The following ASH2L variants were observed in gnomAD, a reference collection of about 807,000 sequenced individuals.
ASH2L encodes set1/Ash2 histone methyltransferase complex subunit ASH2.
In ASH2L, 30 loss-of-function variants were observed where a neutral mutation model predicts 81.1. The ratio of observed to expected loss-of-function variants is 0.37; its 90% CI spans 0.28 to 0.50. The LOEUF (loss-of-function observed/expected upper bound fraction) is 0.50. Among genes scored for constraint, ASH2L ranks in the 20% least tolerant of loss-of-function variants. The pLI is 0.95. For missense variants in ASH2L, 559 were observed against 792.1 expected (o/e 0.71, Z 3.53); for synonymous variants, 273 against 279.9 (o/e 0.98, Z 0.24).
At chr8:38,116,372 A>T (rs747691060) in intron 7 of ASH2L, among the ~76,000 whole-genome samples, 48 of 152,004 alleles carry the variant, frequency 3.2e-4, no homozygotes, top group Non-Finnish European at 5.0e-4. Context: ...CTCAAAAAAA[A>T]AATAATAATA....
chr8:38,136,711 G>T (rs558484152), intron 14 of ASH2L, among the ~76,000 whole-genome samples: 67 of 151,532 alleles, frequency 4.4e-4, no homozygotes, highest in Middle Eastern at 3.4e-3. Flanking sequence ...GGAGGCGGAG[G>T]TTGCAATGAG....
intron 11 of ASH2L, 106 bp from the exon 12 acceptor site, chr8:38,128,652 A>T (rs1426299879): frequency 6.6e-7 from 1 of 1,521,726 alleles, no homozygotes; most frequent in Non-Finnish European, 8.8e-7. Context: ...AAGCAATTTT[A>T]CAAAATTGAC....
At chr8:38,135,800 T>G (rs1476462322) in intron 14 of ASH2L, 34 bp downstream of exon 14, 2 of 1,513,348 alleles carry the variant, frequency 1.3e-6, no homozygotes. Flanking sequence ...GAGCAAAACT[T>G]GAGGGAAGCA....
rs772372358 is a variant in ASH2L, at chr8:38,105,559, GGCA to G, written c.11_13del (p.Ala4del). The G allele has an allele frequency of 6.4e-7, 1 of 1,568,810 alleles. No homozygotes were observed. The highest frequency in any genetic ancestry group is 1.1e-5 in the South Asian group (1 of 87,346). On this transcript the variant is annotated inframe_deletion, in exon 1 of 16. Coordinates refer to ENST00000343823, the MANE Select transcript of ASH2L (RefSeq NM_004674.5). ...GTCCAGGGGTGGCCGTGATGGCGGC[GGCA>G]GGAGCAGGACCTGGCCAGGAAGCGG...
chr8:38,112,060 G>A (rs534687324), intron 5 of ASH2L, among the ~76,000 whole-genome samples: 1 of 152,160 alleles, frequency 6.6e-6, no homozygotes, highest in Non-Finnish European at 1.5e-5. Context: ...AGCCTGGAGT[G>A]CAGTGGCACA....
intron 1 of ASH2L, 66 bp from the exon 2 acceptor site, chr8:38,106,312 T>TTTGGGAA: frequency 3.3e-6 from 5 of 1,511,920 alleles, no homozygotes; most frequent in Non-Finnish European, 4.6e-6. Context: ...GATCATCATT[T>TTTGGGAA]TTGGGAATAG....
intron 10 of ASH2L, among the ~76,000 whole-genome samples, chr8:38,127,393 T>C (rs1326420539): frequency 6.6e-6 from 1 of 151,814 alleles, no homozygotes; most frequent in East Asian, 1.9e-4. Flanking sequence ...CTCATCACCA[T>C]TGGTTTGTTA....
intron 10 of ASH2L, among the ~76,000 whole-genome samples, chr8:38,126,127 C>G (rs988591965): frequency 6.6e-6 from 1 of 151,268 alleles, no homozygotes; most frequent in South Asian, 2.1e-4. Flanking sequence ...CGCTTGAACC[C>G]GGGAGCCAGA....
intron 10 of ASH2L, among the ~76,000 whole-genome samples, chr8:38,126,620 C>A (rs377548882): frequency 6.6e-6 from 1 of 151,656 alleles, no homozygotes. Context: ...TTTGGGAGGC[C>A]GAGGCAGGCG....
chr8:38,111,147 G>T (rs1810663714), intron 5 of ASH2L, among the ~76,000 whole-genome samples: 1 of 152,146 alleles, frequency 6.6e-6, no homozygotes, highest in East Asian at 1.9e-4. Flanking sequence ...TGTTGGCCAG[G>T]CTCATCTCCA....
In ASH2L at chr8:38,105,531, G is replaced by A; in HGVS notation, c.-20G>A. The stretch of plus-strand genomic sequence containing the variant: ...GCGAGAGAAGAGAGTATTCTCGCGA[G>A]AAGTCCAGGGGTGGCCGTGATGGCG... On this transcript the variant is annotated 5_prime_UTR_variant, in exon 1 of 16. Coordinates refer to ENST00000343823, the MANE Select transcript of ASH2L (RefSeq NM_004674.5). 6.5e-7 allele frequency: 1 copy of A among 1,533,412 alleles called. No individual in the cohort carries two copies. Among genetic ancestry groups the A allele is most frequent in the East Asian group, 2.5e-5 (1 of 39,602 alleles). The allele number at this position is 1,533,412 out of a possible 1,614,324, so 95.0% of individuals were successfully genotyped here.
At chr8:38,114,875 C>G in intron 6 of ASH2L, 30 bp from the exon 7 acceptor site, 2 of 1,388,286 alleles carry the variant, frequency 1.4e-6, no homozygotes, top group Non-Finnish European at 1.0e-6. Flanking sequence ...ATAAAATGTT[C>G]ATTAATAGTA....
chr8:38,119,098 A>AT (rs1210648501), intron 8 of ASH2L, 172 bp from the exon 9 acceptor site: 1 of 583,128 alleles, frequency 1.7e-6, no homozygotes, highest in Non-Finnish European at 3.0e-6. Flanking sequence ...AGGCTATGAG[A>AT]TGCTCAGTAG....
At chr8:38,136,523 C>T (rs551272654) in intron 14 of ASH2L, among the ~76,000 whole-genome samples, 10 of 152,012 alleles carry the variant, frequency 6.6e-5, no homozygotes, top group African/African-American at 2.4e-4. Context: ...GCTTGTAATC[C>T]CAGCACTTTG....
At position 38,135,705 on chromosome 8, in the gene ASH2L, C is replaced by G; in HGVS notation, c.1658C>G (p.Ala553Gly). Residue 553 changes from alanine to glycine, a missense_variant, in exon 14 of 16, where the codon GCT becomes GGT. Around this residue, in one of 4 missense-constraint regions of ASH2L, gnomAD observed 95 missense variants for 130.7 expected, o/e 0.73. Transcript: ENST00000343823. ...FYKNGVNQGV[A>G]YKDIFEGVYF... ...AAAAATGGTGTCAATCAAGGTGTGGCTTACAAAGATATTTTTGAGGGGGTT... is the reference window on the plus strand; with the variant it reads ...AAAAATGGTGTCAATCAAGGTGTGGGTTACAAAGATATTTTTGAGGGGGTT... 6.2e-7 allele frequency: 1 copy of G among 1,612,808 alleles called. No homozygotes were observed. The highest frequency in any genetic ancestry group is 8.5e-7 in the Non-Finnish European group (1 of 1,179,318).
chr8:38,121,598 C>G (rs944126490), intron 10 of ASH2L, among the ~76,000 whole-genome samples: 21 of 151,930 alleles, frequency 1.4e-4, no homozygotes, highest in Non-Finnish European at 2.4e-4. Flanking sequence ...AATTATTTCT[C>G]TTTAGTCTAT....
intron 1 of ASH2L, 175 bp downstream of exon 1, chr8:38,105,913 C>T (rs898692924): frequency 2.0e-6 from 3 of 1,468,610 alleles, no homozygotes; most frequent in South Asian, 1.4e-5. Context: ...CGGATAACGC[C>T]CCTTCCGCAC....
chr8:38,131,567 G>A (rs1802057448), intron 12 of ASH2L, among the ~76,000 whole-genome samples: 1 of 152,162 alleles, frequency 6.6e-6, no homozygotes, highest in Admixed American at 6.5e-5. Context: ...AATCGCTTGA[G>A]CCTGGAGGGC....
intron 7 of ASH2L, among the ~76,000 whole-genome samples, chr8:38,115,240 CT>C (rs537289051): frequency 4.0e-4 from 60 of 149,220 alleles, no homozygotes; most frequent in African/African-American, 1.2e-3. Flanking sequence ...CTTCAAATCA[CT>C]TTTTTTTTTA....
Sources: gnomAD v4.1 joint callset for allele counts (sites outside exome capture counted in the v4.1 genomes callset) on GRCh38, gnomAD v4.1.1 for gene constraint, gnomAD v4.1.1 regional missense constraint, MANE v1.5 for transcripts, NCBI Gene and HGNC (gene_info 2026-07-23, HGNC 2026-07-21) for gene names.